The following NME8 variants were observed in gnomAD, a reference collection of about 807,000 sequenced individuals.
NME8 encodes NME/NM23 family member 8.
NME8 carries 72 observed loss-of-function variants against 82.3 expected under a neutral mutation model. The observed-to-expected ratio is 0.87, with a 90% CI of 0.72 to 1.06. The LOEUF (loss-of-function observed/expected upper bound fraction) is 1.06. Ranked by LOEUF, NME8 falls within the 50% of genes least tolerant of loss-of-function variation. The pLI is 0.00. For synonymous variants in NME8, 267 were observed against 228.5 expected, an observed-to-expected ratio of 1.17 and a Z score of -1.52; for missense variants, 712 against 685.4, an observed-to-expected ratio of 1.04 and a Z score of -0.43.
chr7:37,864,540 A>G, intron 9 of NME8, 119 bp downstream of exon 9: 1 of 1,043,006 alleles, frequency 9.6e-7, no homozygotes, highest in Non-Finnish European at 1.4e-6. Flanking sequence ...TACTGGTGCT[A>G]GGTACCTCTA....
At chr7:37,896,182 G>A (rs2081622355) in intron 16 of NME8, among the ~76,000 whole-genome samples, 1 of 152,190 alleles carries the variant, frequency 6.6e-6, no homozygotes, top group African/African-American at 2.4e-5. Context: ...GAATATATGT[G>A]CTATTGAGAT....
chr7:37,885,060 A>G (rs1193601133), intron 13 of NME8, 85 bp from the exon 14 acceptor site: 3 of 808,002 alleles, frequency 3.7e-6, no homozygotes, highest in African/African-American at 3.4e-5. Flanking sequence ...TGATCTATTT[A>G]ACAATATGCA....
chr7:37,864,232 A>T, intron 8 of NME8, 116 bp from the exon 9 acceptor site: 4 of 1,276,888 alleles, frequency 3.1e-6, no homozygotes, highest in Non-Finnish European at 4.4e-6. Context: ...CACAGCTATC[A>T]ATGGGCAACA....
chr7:37,894,544 T>C lies in NME8; in HGVS notation c.1478T>C (p.Ile493Thr), dbSNP rs56128139. 514,915 of 1,607,030 alleles carry C rather than the reference T, an allele frequency of 0.32. 88,663 individuals carry two copies. Among genetic ancestry groups the C allele is most frequent in the Non-Finnish European group, 0.36 (422,296 of 1,173,992 alleles). Residue 493 changes from isoleucine (I) to threonine (T), a missense_variant, in exon 16 of 18, where the codon ATA becomes ACA. By Grantham distance (89) the Ile-to-Thr change is moderately conservative. Transcript: ENST00000199447. ...VKKMFLTPEQ[I>T]EKIYPKVTGK... The stretch of plus-strand genomic sequence containing the variant: ...AAAATGTTCCTAACTCCTGAGCAAA[T>C]AGAGAAAATTTATCCAAAAGTAACA...
At chr7:37,850,853 A>G in intron 5 of NME8, 118 bp downstream of exon 5, 1 of 713,764 alleles carries the variant, frequency 1.4e-6, no homozygotes, top group Non-Finnish European at 2.5e-6. Context: ...CAAAATAGAT[A>G]GTCTTTACTT....
Position 37,850,507 on chromosome 7 carries a change from A to G in NME8, c.91+72A>G, listed in dbSNP as rs1012630221. ...GCTCCTCCTGGCACCCTGTCCCTCT[A>G]GAGTCCCCACTTTGACCAAGAAATC... On this transcript the variant is annotated intron_variant, in intron 4 of 17. Coordinates refer to ENST00000199447, the MANE Select transcript of NME8 (RefSeq NM_016616.5). 3.3e-5 allele frequency: 52 copies of G among 1,573,752 alleles called. No individual in the cohort carries two copies. In the African/African-American group the frequency reaches 5.1e-4, roughly 16 times the overall value.
chr7:37,894,163 G>A (rs1295745388), intron 15 of NME8, among the ~76,000 whole-genome samples: 3 of 152,124 alleles, frequency 2.0e-5, no homozygotes, highest in Admixed American at 2.0e-4. Context: ...GTATGAAGGT[G>A]AAAATAGATC....
At chr7:37,877,805 G>A (rs1253806532) in intron 12 of NME8, among the ~76,000 whole-genome samples, 1 of 151,918 alleles carries the variant, frequency 6.6e-6, no homozygotes, top group African/African-American at 2.4e-5. Context: ...CTTCCCCTCT[G>A]CCCCACCTCT....
rs2722354 is a variant in NME8 at position 37,857,581 on chromosome 7, C to T, written c.270+236C>T. ...ATCAGGGAAAGGAAAAGTAAGATGG[C>T]GTTTATCTTTACTAAGGAAATGATC... On this transcript the variant is annotated intron_variant, in intron 6 of 17. Transcript: ENST00000199447. 0.24 allele frequency among the ~76,000 whole-genome samples: 36,655 copies of T among 151,982 alleles called. 4,424 individuals carry two copies. Among genetic ancestry groups the T allele is most frequent in the Middle Eastern group, 0.27 (78 of 294 alleles).
chr7:37,898,881 C>T (rs543417361), intron 17 of NME8, among the ~76,000 whole-genome samples: 21 of 152,162 alleles, frequency 1.4e-4, no homozygotes, highest in South Asian at 8.3e-4. Context: ...CAACCCCTGA[C>T]ATATTGCCAG....
chr7:37,856,321 T>G (rs1248799320), intron 5 of NME8, among the ~76,000 whole-genome samples: 1 of 152,200 alleles, frequency 6.6e-6, no homozygotes, highest in Non-Finnish European at 1.5e-5. Flanking sequence ...ATCAAAGCTT[T>G]TATTTAAATA....
In NME8 at chr7:37,888,440, A is replaced by G. The variant is rs1250849291; in HGVS notation, c.1399+12A>G. The G allele has an allele frequency of 6.2e-7, 1 of 1,608,908 alleles. No homozygotes were observed. The highest frequency in any genetic ancestry group is 1.3e-5 in the African/African-American group (1 of 74,770). ...AAGTGAACAAAGAGGTAAATATTTA[A>G]GAATAAAAGTGAATGTATACATTTT... On this transcript the variant is annotated intron_variant, in intron 15 of 17. Transcript: ENST00000199447.
chr7:37,899,258 A>G (rs1309319139), intron 17 of NME8, among the ~76,000 whole-genome samples: 1 of 152,270 alleles, frequency 6.6e-6, no homozygotes, highest in Non-Finnish European at 1.5e-5. Context: ...ACTATTTACA[A>G]TAGCAAAGAT....
intron 15 of NME8, 115 bp from the exon 16 acceptor site, chr7:37,894,351 T>G: frequency 1.8e-6 from 2 of 1,116,406 alleles, no homozygotes; most frequent in Non-Finnish European, 2.7e-6. Context: ...AGTTTTGCCA[T>G]GTTAAACCAC....
chr7:37,873,123 G>A (rs907739004), intron 11 of NME8, among the ~76,000 whole-genome samples: 2 of 152,120 alleles, frequency 1.3e-5, no homozygotes, highest in Admixed American at 1.3e-4. Context: ...GCCGTGGCTT[G>A]TGCCTGTAAT....
chr7:37,855,459 T>C (rs1193102131), intron 5 of NME8, among the ~76,000 whole-genome samples: 1 of 152,160 alleles, frequency 6.6e-6, no homozygotes, highest in East Asian at 1.9e-4. Context: ...TCCTTAAGTC[T>C]TGGTGCTCAC....
chr7:37,863,260 A>G, intron 7 of NME8, 136 bp from the exon 8 acceptor site: 1 of 632,690 alleles, frequency 1.6e-6, no homozygotes, highest in South Asian at 1.8e-5. Flanking sequence ...ATGTTAGATA[A>G]GTTCAGGAAC....
intron 10 of NME8, among the ~76,000 whole-genome samples, chr7:37,865,887 C>A (rs1392131347): frequency 1.3e-5 from 2 of 152,062 alleles, no homozygotes; most frequent in Admixed American, 1.3e-4. Context: ...CCTCCAAGAG[C>A]CCCTGCATCA....
intron 5 of NME8, among the ~76,000 whole-genome samples, chr7:37,854,965 G>C (rs538407309): frequency 3.2e-4 from 49 of 152,246 alleles, no homozygotes; most frequent in Admixed American, 5.2e-4. Context: ...CTATAACAAT[G>C]ATGGCATCTT....
Sources: allele counts gnomAD v4.1 joint callset (sites outside exome capture counted in the v4.1 genomes callset), GRCh38; gene constraint gnomAD v4.1.1; transcripts MANE v1.5; gene names NCBI Gene and HGNC (gene_info 2026-07-23, HGNC 2026-07-21).